EHD2: variants seen among roughly 807,000 people sequenced by gnomAD.
The protein encoded by EHD2 is EH domain containing 2, also known as EH domain-containing protein 2.
A neutral mutation model predicts 41.0 loss-of-function variants in EHD2; 27 were observed. That is an observed-to-expected ratio of 0.66 (90% CI 0.49 to 0.91). The LOEUF (loss-of-function observed/expected upper bound fraction) is 0.91, where lower values mean the gene tolerates loss of function less well. Among genes scored for constraint, EHD2 ranks in the 40% least tolerant of loss-of-function variants. The pLI is 0.00. For missense variants in EHD2, 673 were observed against 773.9 expected, an observed-to-expected ratio of 0.87 and a Z score of 1.55; for synonymous variants, 342 against 341.0, an observed-to-expected ratio of 1.00 and a Z score of -0.03.
In EHD2 at chr19:47,741,512, C is replaced by T. The variant is rs375493717; in HGVS notation, c.*80C>T. Reference sequence around the variant, plus strand: ...GCACACCCCTGCTCCGGCTCACACACGCCCTGCCTGCCCTCCCTGCCCAGC... The same window carrying T: ...GCACACCCCTGCTCCGGCTCACACATGCCCTGCCTGCCCTCCCTGCCCAGC... On this transcript the variant is annotated 3_prime_UTR_variant, in exon 6 of 6. Coordinates refer to ENST00000263277, the MANE Select transcript of EHD2 (RefSeq NM_014601.4). The surrounding 1 kb of genome is among the most constrained non-coding windows in gnomAD (Gnocchi z 4.5). 1.9e-5 allele frequency: 27 copies of T among 1,447,184 alleles called. No homozygotes were observed. Among genetic ancestry groups the T allele is most frequent in the Middle Eastern group, 2.4e-4 (1 of 4,140 alleles). The allele number at this position is 1,447,184 out of a possible 1,614,324, so 89.6% of individuals were successfully genotyped here.
At chr19:47,737,751 T>C (rs1966940446) in intron 5 of EHD2, among the ~76,000 whole-genome samples, 1 of 151,948 alleles carries the variant, frequency 6.6e-6, no homozygotes, top group Non-Finnish European at 1.5e-5. Context: ...GACTCTGTTG[T>C]CCAGGCTGGA....
In EHD2 at chr19:47,742,269, T is replaced by G. The variant is rs1003312032; in HGVS notation, c.*837T>G. The G allele has an allele frequency of 3.7e-6, 1 of 270,574 alleles. No individual in the cohort carries two copies. The highest frequency in any genetic ancestry group is 7.1e-6 in the Non-Finnish European group (1 of 139,976). The allele number at this position is 270,574 out of a possible 1,614,324, so 16.8% of individuals were successfully genotyped here. Reference sequence around the variant, plus strand: ...TTCTGTCCACACCCCTTCCCTTTCCTGTCCTGTCCTTTCTTTCTTTTTTGA... The same window carrying G: ...TTCTGTCCACACCCCTTCCCTTTCCGGTCCTGTCCTTTCTTTCTTTTTTGA... On this transcript the variant is annotated 3_prime_UTR_variant, in exon 6 of 6. Coordinates refer to ENST00000263277, the MANE Select transcript of EHD2 (RefSeq NM_014601.4).
At chr19:47,720,138 T>C (rs1365096347) in intron 3 of EHD2, among the ~76,000 whole-genome samples, 1 of 151,136 alleles carries the variant, frequency 6.6e-6, no homozygotes, top group Non-Finnish European at 1.5e-5. Context: ...TGTGTGCGCA[T>C]GTGCCTATAA....
At chr19:47,718,379 C>T in intron 2 of EHD2, 130 bp from the exon 3 acceptor site, 3 of 676,250 alleles carry the variant, frequency 4.4e-6, no homozygotes, top group Admixed American at 2.5e-5. Flanking sequence ...TGCCCTTTTT[C>T]TGTCCGGTGT....
Position 47,726,072 on chromosome 19 carries a change from G to T in EHD2, c.763G>T (p.Gly255Cys). ...GCCCGAGGTGCTGCGCGTCTACATCGGCTCCTTCTGGTCCCAGCCCCTCCT... is the reference window on the plus strand; with the variant it reads ...GCCCGAGGTGCTGCGCGTCTACATCTGCTCCTTCTGGTCCCAGCCCCTCCT... ...GTPEVLRVYI[G>C]SFWSQPLLVP... Residue 255 changes from glycine (G) to cysteine (C), a missense_variant, in exon 4 of 6, where the codon GGC (glycine) becomes TGC (cysteine). Transcript: ENST00000263277. The T allele has an allele frequency of 6.3e-7, 1 of 1,579,044 alleles. No individual in the cohort carries two copies. The highest frequency in any genetic ancestry group is 8.6e-7 in the Non-Finnish European group (1 of 1,163,346).
chr19:47,722,383 C>T (rs1280313863), intron 3 of EHD2, among the ~76,000 whole-genome samples: 2 of 152,106 alleles, frequency 1.3e-5, no homozygotes, highest in Non-Finnish European at 2.9e-5. Context: ...GTGACTTGGC[C>T]CTTCCTCCCC....
intron 2 of EHD2, among the ~76,000 whole-genome samples, chr19:47,717,823 G>C (rs1006175452): frequency 3.4e-5 from 5 of 145,694 alleles, no homozygotes; most frequent in Non-Finnish European, 7.5e-5. Context: ...CAGAAGAATT[G>C]CTTAAACCTG....
At position 47,716,834 on chromosome 19, in the gene EHD2, C is replaced by T; in HGVS notation, c.222C>T (p.Phe74=). Residue 74 remains phenylalanine, a synonymous_variant, in exon 2 of 6, where the codon TTC becomes TTT. Transcript: ENST00000263277. ...AGTACAGCACGGGCAAGACCAGCTT[C>T]ATCCAGTACCTGCTGGAGCAGGAGG... is the stretch of plus-strand genomic sequence containing the variant. ...AGQYSTGKTS[F]IQYLLEQEVP... is the part of the protein sequence containing the mutation. 1 of 1,609,660 alleles carries T rather than the reference C, an allele frequency of 6.2e-7. No individual in the cohort carries two copies. The highest frequency in any genetic ancestry group is 8.5e-7 in the Non-Finnish European group (1 of 1,177,744).
rs528120365 is a variant in EHD2 at position 47,741,578 on chromosome 19, C to T, written c.*146C>T. ...TCTCCCTCCTCACTACCGCCAGACA[C>T]CCCGGTGGAAGCATTTAGAGGGGAC... On this transcript the variant is annotated 3_prime_UTR_variant, in exon 6 of 6. Transcript: ENST00000263277. This position sits in a 1 kb window ranked among gnomAD's most constrained non-coding sequence, Gnocchi z 4.5. 91 of 947,906 alleles carry T rather than the reference C, an allele frequency of 9.6e-5. No homozygotes were observed. In the East Asian group the frequency reaches 2.0e-3, roughly 21 times the overall value. 58.7% of individuals were successfully genotyped at this position (947,906 alleles called of 1,614,324 possible). A position where few individuals can be genotyped will look rare whatever the true frequency, so the allele number is the denominator to read the frequency against.
intron 1 of EHD2, 95 bp from the exon 2 acceptor site, chr19:47,716,463 T>A (rs1441682910): frequency 1.0e-5 from 8 of 797,742 alleles, no homozygotes; most frequent in Middle Eastern, 3.4e-4. Context: ...CTCCTCCTCC[T>A]CCACCCATCC....
intron 5 of EHD2, among the ~76,000 whole-genome samples, chr19:47,740,385 G>A (rs553816799): frequency 6.6e-6 from 1 of 152,052 alleles, no homozygotes; most frequent in Admixed American, 6.6e-5. Flanking sequence ...GCTGCAGTGA[G>A]CTATGTTGGC....
chr19:47,737,055 C>T (rs1226605114), intron 5 of EHD2, among the ~76,000 whole-genome samples: 1 of 151,874 alleles, frequency 6.6e-6, no homozygotes, highest in African/African-American at 2.4e-5. Context: ...CACGGTGAAA[C>T]CCCGTCTCTA....
chr19:47,728,117 A>G (rs909569988), intron 4 of EHD2, among the ~76,000 whole-genome samples: 1 of 147,882 alleles, frequency 6.8e-6, no homozygotes, highest in Non-Finnish European at 1.5e-5. Context: ...AAAAAAAAAG[A>G]TGAATTTATT....
intron 3 of EHD2, among the ~76,000 whole-genome samples, chr19:47,724,088 T>G (rs1363522428): frequency 1.3e-5 from 2 of 151,456 alleles, no homozygotes; most frequent in African/African-American, 4.9e-5. Flanking sequence ...ACAGTCTTTT[T>G]TTTTTTTTGA....
chr19:47,715,215 C>T (rs187964689), intron 1 of EHD2, among the ~76,000 whole-genome samples: 1 of 152,046 alleles, frequency 6.6e-6, no homozygotes. Flanking sequence ...TAACACCCAA[C>T]AGCCCTCATG....
In EHD2 at chr19:47,718,591, CAG is replaced by C; in HGVS notation, c.492_493del (p.Arg164SerfsTer26). On this transcript the variant is annotated frameshift_variant, in exon 3 of 6. Transcript: ENST00000263277. LOFTEE classifies it high-confidence loss of function. ...DTPGILSGAK[Q>X]RVSRGYDFPA... ...CCCGGGTATCCTGTCGGGTGCCAAG[CAG>C]AGAGTGAGCCGCGGTGAGTGGGGCC... is the stretch of plus-strand genomic sequence containing the variant. The C allele has an allele frequency of 6.4e-7, 1 of 1,568,128 alleles. No individual in the cohort carries two copies. Among genetic ancestry groups the C allele is most frequent in the Admixed American group, 1.9e-5 (1 of 52,766 alleles).
chr19:47,737,404 C>T (rs1011562724), intron 5 of EHD2, among the ~76,000 whole-genome samples: 7 of 151,766 alleles, frequency 4.6e-5, no homozygotes, highest in Non-Finnish European at 8.8e-5. Context: ...TGCCTGTAAT[C>T]CCAGCACTGT....
rs201029505 is a variant in EHD2, at chr19:47,736,403, A to C, written c.950A>C (p.Glu317Ala). Residue 317 changes from glutamate (E) to alanine (A), a missense_variant, in exon 5 of 6, where the codon GAG becomes GCG. Glu to Ala is a moderately radical substitution (Grantham distance 107, BLOSUM62 -1). Coordinates refer to ENST00000263277, the MANE Select transcript of EHD2 (RefSeq NM_014601.4). ...HAYIISYLKK[E>A]MPSVFGKENK... ...TACATCATCAGCTACCTGAAGAAGG[A>C]GATGCCCTCTGTGTTTGGGAAGGAG... 6.2e-7 allele frequency: 1 copy of C among 1,613,500 alleles called. No individual in the cohort carries two copies. Among genetic ancestry groups the C allele is most frequent in the Non-Finnish European group, 8.5e-7 (1 of 1,179,766 alleles).
intron 5 of EHD2, among the ~76,000 whole-genome samples, chr19:47,737,648 T>G (rs1362019062): frequency 6.6e-6 from 1 of 151,898 alleles, no homozygotes; most frequent in Non-Finnish European, 1.5e-5. Context: ...CCGAGTAAGA[T>G]TCTGTCTCAA....
Sources: gnomAD v4.1 joint callset for allele counts (sites outside exome capture counted in the v4.1 genomes callset) on GRCh38, gnomAD v4.1.1 for gene constraint, Gnocchi (gnomAD v3.1) non-coding constraint, MANE v1.5 for transcripts, NCBI Gene and HGNC (gene_info 2026-07-23, HGNC 2026-07-21) for gene names.